Variants in KMT2D observed in about 807,000 individuals in gnomAD.
KMT2D encodes histone-lysine N-methyltransferase 2D.
In KMT2D, 55 loss-of-function variants were observed where a neutral mutation model predicts 512.7. The ratio of observed to expected loss-of-function variants is 0.11; its 90% CI spans 0.09 to 0.13. KMT2D has a LOEUF of 0.13. Ranked by LOEUF, KMT2D falls within the 10% of genes least tolerant of loss-of-function variation. The pLI is 1.00. For missense variants in KMT2D, 6,061 were observed against 7,127.9 expected, an observed-to-expected ratio of 0.85 and a Z score of 5.39; for synonymous variants, 2,995 against 2,904.0, an observed-to-expected ratio of 1.03 and a Z score of -1.01.
Position 49,039,606 on chromosome 12 carries a change from T to C in KMT2D, c.8058A>G (p.Leu2686=), listed in dbSNP as rs1235583015. 2 of 1,608,934 alleles carry C rather than the reference T, an allele frequency of 1.2e-6. No individual in the cohort carries two copies. The highest frequency in any genetic ancestry group is 1.3e-5 in the African/African-American group (1 of 74,840). ...ELEKQRQRQR[L]RELLIRQQIQ... The stretch of plus-strand genomic sequence containing the variant: ...TCTGCTGCCGAATCAGCAGCTCTCG[T>C]AGTCGCTGGCGCTATGCAAAAAAAA... The change falls in exon 33 of 55, where the codon CTA becomes CTG. Residue 2686 remains leucine (L), a synonymous_variant. Coordinates refer to ENST00000301067, the MANE Select transcript of KMT2D (RefSeq NM_003482.4). The surrounding 1 kb of genome is among the most constrained non-coding windows in gnomAD (Gnocchi z 5.0).
In KMT2D at chr12:49,051,541, C is replaced by T. The variant is rs1260712816; in HGVS notation, c.2142G>A (p.Ser714=). Residue 714 remains serine, a synonymous_variant, in exon 11 of 55, where the codon TCG becomes TCA. Coordinates refer to ENST00000301067, the MANE Select transcript of KMT2D (RefSeq NM_003482.4). ...ACTCCTCCAGCGGCAGGGACATGAG[C>T]GAGTCCTCCGGTGGTGGGGAAGCAG... is the stretch of plus-strand genomic sequence containing the variant. ...DSPASPPPED[S]LMSLPLEESP... is the part of the protein sequence containing the mutation. 5.0e-6 allele frequency: 8 copies of T among 1,612,132 alleles called. No homozygotes were observed. The highest frequency in any genetic ancestry group is 2.2e-5 in the East Asian group (1 of 44,862).
intron 6 of KMT2D, 115 bp from the exon 7 acceptor site, chr12:49,053,756 T>C: frequency 1.6e-6 from 2 of 1,280,908 alleles, no homozygotes; most frequent in Non-Finnish European, 2.1e-6. Context: ...ACAAAGTTAC[T>C]GAGTGCCTGC....
In KMT2D at chr12:49,053,043, C is replaced by G. The variant is rs760364650; in HGVS notation, c.984G>C (p.Ala328=). The change falls in exon 9 of 55, where the codon GCG becomes GCC. Residue 328 remains alanine, a synonymous_variant. Coordinates refer to ENST00000301067, the MANE Select transcript of KMT2D (RefSeq NM_003482.4). ...KACRVCRACG[A]GSAELNPNSE... The stretch of plus-strand genomic sequence containing the variant: ...AGTTGGGATTCAGTTCTGCTGAGCC[C>G]GCCCCACAGGCCCGGCACACCCGGC... 1 of 1,613,912 alleles carries G rather than the reference C, an allele frequency of 6.2e-7. No individual in the cohort carries two copies. The highest frequency in any genetic ancestry group is 8.5e-7 in the Non-Finnish European group (1 of 1,179,894).
rs1328927100 is a variant in KMT2D at position 49,039,688 on chromosome 12, C to A, written c.8046+36G>T. ...CATAGGGCTGCCCCAGAGACAGGAG[C>A]GATATAGGGGGCTTAGCTCCAGGGT... On this transcript the variant is annotated intron_variant, in intron 32 of 54. Coordinates refer to ENST00000301067, the MANE Select transcript of KMT2D (RefSeq NM_003482.4). The surrounding 1 kb of genome is among the most constrained non-coding windows in gnomAD (Gnocchi z 5.0). The A allele has an allele frequency of 6.2e-7, 1 of 1,604,362 alleles. No homozygotes were observed. Among genetic ancestry groups the A allele is most frequent in the African/African-American group, 1.3e-5 (1 of 74,886 alleles).
Position 49,038,549 on chromosome 12 carries a change from G to A in KMT2D, c.8807C>T (p.Ala2936Val), listed in dbSNP as rs1417835198. ...GTTGTTCAATTCAGGGGCCGGTGGG[G>A]CTGAGGGTTTCTGTGGGGGAAGACC... ...VSGLPPQKPS[A>V]PPAPELNNSL... is the part of the protein sequence containing the mutation. Residue 2936 changes from alanine (A) to valine (V), a missense_variant, in exon 35 of 55, where the codon GCC becomes GTC. This residue lies in a region of KMT2D where 527 missense variants were observed against 578.9 expected (regional missense o/e 0.91). Coordinates refer to ENST00000301067, the MANE Select transcript of KMT2D (RefSeq NM_003482.4). The surrounding 1 kb of genome is among the most constrained non-coding windows in gnomAD (Gnocchi z 5.7). 2 of 1,612,158 alleles carry A rather than the reference G, an allele frequency of 1.2e-6. No homozygotes were observed. Among genetic ancestry groups the A allele is most frequent in the Non-Finnish European group, 1.7e-6 (2 of 1,178,608 alleles).
At chr12:49,031,086 T>C in intron 40 of KMT2D, 53 bp from the exon 41 acceptor site, 1 of 1,611,244 alleles carries the variant, frequency 6.2e-7, no homozygotes, top group Non-Finnish European at 8.5e-7. Flanking sequence ...AGAGCCCTCA[T>C]CTCTTCTGTC....
chr12:49,055,891 AG>A (rs1171584263), intron 1 of KMT2D, among the ~76,000 whole-genome samples: 1 of 152,148 alleles, frequency 6.6e-6, no homozygotes, highest in Non-Finnish European at 1.5e-5. Flanking sequence ...ACTACAGCCT[AG>A]CTATGGATGG....
At position 49,033,166 on chromosome 12, in the gene KMT2D, G is replaced by A; in HGVS notation, c.11539C>T (p.Leu3847Phe). The A allele has an allele frequency of 6.4e-7, 1 of 1,550,506 alleles. No individual in the cohort carries two copies. The highest frequency in any genetic ancestry group is 8.7e-7 in the Non-Finnish European group (1 of 1,146,202). Residue 3847 changes from leucine to phenylalanine, a missense_variant, in exon 40 of 55, where the codon CTT becomes TTT. Coordinates refer to ENST00000301067, the MANE Select transcript of KMT2D (RefSeq NM_003482.4). ...GCTGTGACCAGCCTGTGTCCCATAA[G>A]GCCCTGACCCTGCTGTGCCAGCTGG... Reference protein sequence around the residue: ...SPQLAQQGQGLMGHRLVTAQQ... With the variant: ...SPQLAQQGQGFMGHRLVTAQQ...
rs377686344 is a variant in KMT2D, at chr12:49,045,470, C to T, written c.4741+450G>A. ...CATCCTGGCTAACACGGTGAAACCC[C>T]ATCTCTACTAAAAAATACAAAAAAT... On this transcript the variant is annotated intron_variant, in intron 19 of 54. Transcript: ENST00000301067. Among the ~76,000 whole-genome samples the T allele has an allele frequency of 3.9e-5, 6 of 151,974 alleles. No homozygotes were observed. In the East Asian group the frequency reaches 7.7e-4, roughly 20 times the overall value.
rs1455570529 is a variant in KMT2D at position 49,043,796 on chromosome 12, A to AAGGAG, written c.5320-19_5320-15dup. The AAGGAG allele has an allele frequency of 6.2e-7, 1 of 1,612,660 alleles. No individual in the cohort carries two copies. Among genetic ancestry groups the AAGGAG allele is most frequent in the Non-Finnish European group, 8.5e-7 (1 of 1,179,026 alleles). ...AAAGAAGGCTTCCTGTGGGGCAGTCAAGGAGAAACAGTTTTCTTCATGCCC... is the reference window on the plus strand; with the variant it reads ...AAAGAAGGCTTCCTGTGGGGCAGTCAAGGAGAGGAGAAACAGTTTTCTTCATGCCC... On this transcript the variant is annotated splice_polypyrimidine_tract_variant and intron_variant, in intron 23 of 54. Transcript: ENST00000301067.
intron 48 of KMT2D, 131 bp from the exon 49 acceptor site, chr12:49,027,453 CTTTTCT>C: frequency 1.3e-6 from 1 of 793,484 alleles, no homozygotes; most frequent in Non-Finnish European, 1.9e-6. Flanking sequence ...TTTTTCTTTT[CTTTTCT>C]TTTTTTTTTG....
rs764845708 is a variant in KMT2D at position 49,026,910 on chromosome 12, G to C, written c.15056C>G (p.Ala5019Gly). The C allele has an allele frequency of 5.6e-6, 9 of 1,614,000 alleles. No homozygotes were observed. Among genetic ancestry groups the C allele is most frequent in the Admixed American group, 1.7e-5 (1 of 60,026 alleles). Residue 5019 changes from alanine (A) to glycine (G), a missense_variant, in exon 49 of 55, where the codon GCC becomes GGC. Around this residue, in one of 16 missense-constraint regions of KMT2D, gnomAD observed 1,600 missense variants for 1,754.9 expected, o/e 0.91. Coordinates refer to ENST00000301067, the MANE Select transcript of KMT2D (RefSeq NM_003482.4). The surrounding 1 kb of genome is among the most constrained non-coding windows in gnomAD (Gnocchi z 9.6). Reference sequence around the variant, plus strand: ...TCGCGGTACCTTGTCAGGTCGCAAGGCTGTGCCAAGCTGCTCCATAAACTC... The same window carrying C: ...TCGCGGTACCTTGTCAGGTCGCAAGCCTGTGCCAAGCTGCTCCATAAACTC... ...VAEFMEQLGT[A>G]LRPDKVPRDM...
At position 49,052,547 on chromosome 12, in the gene KMT2D, C is replaced by T. The variant is rs1185034017; in HGVS notation, c.1258+17G>A. ...ATAAAAGGGGATGAATTTCAGGGAC[C>T]CTCAAACCCTACTCACCTAGTGGTT... On this transcript the variant is annotated intron_variant, in intron 10 of 54. Coordinates refer to ENST00000301067, the MANE Select transcript of KMT2D (RefSeq NM_003482.4). The T allele has an allele frequency of 1.2e-6, 2 of 1,611,086 alleles. No individual in the cohort carries two copies. Among genetic ancestry groups the T allele is most frequent in the African/African-American group, 1.3e-5 (1 of 74,846 alleles).
chr12:49,049,040 T>C, intron 13 of KMT2D, 65 bp downstream of exon 13: 1 of 1,015,094 alleles, frequency 9.9e-7, no homozygotes, highest in East Asian at 2.5e-5. Flanking sequence ...TGCAAGGGAC[T>C]GGCAGGACTC....
chr12:49,053,185 G>C (rs1938190325), intron 8 of KMT2D, 22 bp downstream of exon 8: 1 of 1,610,206 alleles, frequency 6.2e-7, no homozygotes. Context: ...GGGACAATAG[G>C]GCAGAATCAG....
rs1462614969 is a variant in KMT2D at position 49,042,856 on chromosome 12, C to T, written c.5667G>A (p.Lys1889=). The T allele has an allele frequency of 8.7e-6, 14 of 1,613,764 alleles. No individual in the cohort carries two copies. Among genetic ancestry groups the T allele is most frequent in the Non-Finnish European group, 1.2e-5 (14 of 1,179,862 alleles). ...CATCCTTGAAGAGCTGCTGCAGGTC[C>T]TTGGATTCCATCTTGGGCAGTTCTG... ...STEELPKMES[K]DLQQLFKDVL... The change falls in exon 27 of 55, where the codon AAG becomes AAA. Residue 1889 remains lysine (K), a synonymous_variant. Coordinates refer to ENST00000301067, the MANE Select transcript of KMT2D (RefSeq NM_003482.4). The surrounding 1 kb of genome is among the most constrained non-coding windows in gnomAD (Gnocchi z 4.4).
rs2120502532 is a variant in KMT2D at position 49,038,693 on chromosome 12, A to G, written c.8663T>C (p.Leu2888Pro). Residue 2888 changes from leucine to proline, a missense_variant, in exon 35 of 55, where the codon CTG becomes CCG. By Grantham distance (98) the Leu-to-Pro change is moderately conservative. Transcript: ENST00000301067. This position sits in a 1 kb window ranked among gnomAD's most constrained non-coding sequence, Gnocchi z 5.7. ...AGGAAACGGAGTGCCCCCAGGTCCC[A>G]GTCCTTTCTGTACATTGTGCCGCAG... ...IELRHNVQKG[L>P]GPGGTPFPGQ... The G allele has an allele frequency of 6.2e-7, 1 of 1,612,182 alleles. No homozygotes were observed. Among genetic ancestry groups the G allele is most frequent in the Non-Finnish European group, 8.5e-7 (1 of 1,179,426 alleles).
chr12:49,046,247 G>A lies in KMT2D; in HGVS notation c.4583+13C>T, dbSNP rs1370217900. On this transcript the variant is annotated intron_variant, in intron 17 of 54. Transcript: ENST00000301067. The surrounding 1 kb of genome is among the most constrained non-coding windows in gnomAD (Gnocchi z 4.2). Reference sequence around the variant, plus strand: ...GCAACAGGGCCAAAGTGAGGAGAAAGGGATGTTCTCACCGTTCACAGTGGC... The same window carrying A: ...GCAACAGGGCCAAAGTGAGGAGAAAAGGATGTTCTCACCGTTCACAGTGGC... The A allele has an allele frequency of 9.9e-6, 16 of 1,613,916 alleles. No homozygotes were observed. Among genetic ancestry groups the A allele is most frequent in the Non-Finnish European group, 1.4e-5 (16 of 1,179,834 alleles).
Position 49,044,105 on chromosome 12 carries a change from C to G in KMT2D, c.5188+95G>C. 2 of 1,587,692 alleles carry G rather than the reference C, an allele frequency of 1.3e-6. No homozygotes were observed. The highest frequency in any genetic ancestry group is 3.4e-5 in the Admixed American group (2 of 59,358). On this transcript the variant is annotated intron_variant, in intron 22 of 54. Transcript: ENST00000301067. The surrounding 1 kb of genome is among the most constrained non-coding windows in gnomAD (Gnocchi z 6.4). ...CTCCCACAACACCAGCTGGGTCTAC[C>G]ACCCTCTTGGCCCTTTCAATGAGTC...
Sources: gnomAD v4.1 joint callset for allele counts (sites outside exome capture counted in the v4.1 genomes callset) on GRCh38, gnomAD v4.1.1 for gene constraint, gnomAD v4.1.1 regional missense constraint, Gnocchi (gnomAD v3.1) non-coding constraint, MANE v1.5 for transcripts, NCBI Gene and HGNC (gene_info 2026-07-23, HGNC 2026-07-21) for gene names.